The following PROB1 variants were observed in gnomAD, a reference collection of about 807,000 sequenced individuals.
PROB1 encodes proline-rich basic protein 1.
For missense variants in PROB1, 1,453 were observed against 1,485.7 expected (o/e 0.98, Z 0.36); for synonymous variants, 660 against 699.3 (o/e 0.94, Z 0.89).
Position 139,394,108 on chromosome 5 carries a change from C to A in PROB1, c.974G>T (p.Arg325Leu). The A allele has an allele frequency of 6.5e-7, 1 of 1,548,336 alleles. No individual in the cohort carries two copies. The highest frequency in any genetic ancestry group is 8.7e-7 in the Non-Finnish European group (1 of 1,145,644). The change falls in exon 1 of 1, where the codon CGC (arginine) becomes CTC (leucine). Residue 325 changes from arginine to leucine, a missense_variant. Arg to Leu is a moderately radical substitution (Grantham distance 102). Transcript: ENST00000434752. ...CTCCGTCCCGGGCGCAGGCTTGTCG[C>A]GCCGAATCGCGCGCTCGCGGAGGCT... ...WPSLRERAIR[R>L]DKPAPGTEPL...
In PROB1 at chr5:139,393,117, G is replaced by C. The variant is rs1028168592; in HGVS notation, c.1965C>G (p.Pro655=). 3 of 1,528,384 alleles carry C rather than the reference G, an allele frequency of 2.0e-6. No individual in the cohort carries two copies. The highest frequency in any genetic ancestry group is 2.1e-5 in the Admixed American group (1 of 48,004). 94.7% of individuals were successfully genotyped at this position (1,528,384 alleles called of 1,614,324 possible). A position where few individuals can be genotyped will look rare whatever the true frequency, so the allele number is the denominator to read the frequency against. ...TGGATTCGCCGCCCTCCTCCCCGCA[G>C]GGGTCGGCAGGAGGCGCAGGCAGCC... ...GSGLPAPPAD[P]CGEEGGESKT... The change falls in exon 1 of 1, where the codon CCC becomes CCG. Residue 655 remains proline, a synonymous_variant. Coordinates refer to ENST00000434752, the MANE Select transcript of PROB1 (RefSeq NM_001161546.2).
In PROB1 at chr5:139,392,626, T is replaced by C; in HGVS notation, c.2456A>G (p.Lys819Arg). 1 of 1,380,240 alleles carries C rather than the reference T, an allele frequency of 7.2e-7. No homozygotes were observed. Among genetic ancestry groups the C allele is most frequent in the Non-Finnish European group, 9.4e-7 (1 of 1,069,392 alleles). 85.5% of individuals were successfully genotyped at this position (1,380,240 alleles called of 1,614,324 possible). A position where few individuals can be genotyped will look rare whatever the true frequency, so the allele number is the denominator to read the frequency against. Residue 819 changes from lysine to arginine, a missense_variant, in exon 1 of 1, where the codon AAG becomes AGG. By Grantham distance (26) the Lys-to-Arg change is conservative. Transcript: ENST00000434752. The surrounding 1 kb of genome is among the most constrained non-coding windows in gnomAD (Gnocchi z 5.8). ...SPSPGIAPKP[K>R]TPPTAPEPAA... The stretch of plus-strand genomic sequence containing the variant: ...GGGCTCGGGGGCCGTAGGTGGTGTC[T>C]TCGGTTTGGGTGCTATCCCAGGGCT...
Position 139,394,169 on chromosome 5 carries a change from T to G in PROB1, c.913A>C (p.Asn305His). 6.5e-7 allele frequency: 1 copy of G among 1,546,092 alleles called. No homozygotes were observed. Among genetic ancestry groups the G allele is most frequent in the Non-Finnish European group, 8.7e-7 (1 of 1,144,102 alleles). The change falls in exon 1 of 1, where the codon AAT (asparagine) becomes CAT (histidine). Residue 305 changes from asparagine to histidine, a missense_variant. Asn to His is a moderately conservative substitution (Grantham distance 68, BLOSUM62 1). Coordinates refer to ENST00000434752, the MANE Select transcript of PROB1 (RefSeq NM_001161546.2). ...CTCGGGGCCTTGGCGGGGGCCGAAT[T>G]ATCTCGTACGCGAAGTGGCCGAGAC... ...AKSRPLRVRD[N>H]SAPAKAPRPW... is the part of the protein sequence containing the mutation.
rs1263841431 is a variant in PROB1 at position 139,393,421 on chromosome 5, G to A, written c.1661C>T (p.Pro554Leu). 6.4e-7 allele frequency: 1 copy of A among 1,551,678 alleles called. No homozygotes were observed. Among genetic ancestry groups the A allele is most frequent in the Non-Finnish European group, 8.7e-7 (1 of 1,146,998 alleles). Residue 554 changes from proline to leucine, a missense_variant, in exon 1 of 1, where the codon CCC becomes CTC. Transcript: ENST00000434752. ...EELAPPTPSA[P>L]GTPEPTEMQS... ...CATCTCTGTTGGTTCTGGAGTGCCG[G>A]GTGCGGACGGTGTAGGCGGTGCCAA... is the stretch of plus-strand genomic sequence containing the variant.
chr5:139,392,745 T>C lies in PROB1; in HGVS notation c.2337A>G (p.Leu779=). ...GCTGGGATGAGCTGCGGGCGCCGCC[T>C]AGAGGGCTGGTCCGACCGTCGCCGT... ...VPDGDGRTSP[L]GGARSSSQRS... The change falls in exon 1 of 1, where the codon CTA becomes CTG. Residue 779 remains leucine (L), a synonymous_variant. Coordinates refer to ENST00000434752, the MANE Select transcript of PROB1 (RefSeq NM_001161546.2). This position sits in a 1 kb window ranked among gnomAD's most constrained non-coding sequence, Gnocchi z 5.8. 2 of 1,423,236 alleles carry C rather than the reference T, an allele frequency of 1.4e-6. No homozygotes were observed. The highest frequency in any genetic ancestry group is 1.8e-6 in the Non-Finnish European group (2 of 1,087,602). The allele number at this position is 1,423,236 out of a possible 1,614,324, so 88.2% of individuals were successfully genotyped here.
At position 139,392,060 on chromosome 5, in the gene PROB1, C is replaced by A; in HGVS notation, c.3022G>T (p.Gly1008Cys). ...CACAGCGGGAACAATGAACCCTTGC[C>A]GGGCTGGGTGGGACCTGAGCTGGAG... ...PPSSSGPTQP[G>C]KGSLFPL is the part of the protein sequence containing the mutation. Residue 1008 changes from glycine to cysteine, a missense_variant, in exon 1 of 1, where the codon GGC (glycine) becomes TGC (cysteine). Transcript: ENST00000434752. This position sits in a 1 kb window ranked among gnomAD's most constrained non-coding sequence, Gnocchi z 5.8. 7.1e-7 allele frequency: 1 copy of A among 1,402,432 alleles called. No individual in the cohort carries two copies. Among genetic ancestry groups the A allele is most frequent in the Non-Finnish European group, 9.3e-7 (1 of 1,075,764 alleles). 86.9% of individuals were successfully genotyped at this position (1,402,432 alleles called of 1,614,324 possible).
At position 139,390,899 on chromosome 5, in the gene PROB1, G is replaced by C. The variant is rs747446780; in HGVS notation, c.*1135C>G. ...TCACATCACACACCAGGCTGGCAAG[G>C]GCCAGCCATTTCCGGTTCAGAACTA... On this transcript the variant is annotated 3_prime_UTR_variant, in exon 1 of 1. Transcript: ENST00000434752. 6.6e-6 allele frequency: 1 copy of C among 152,204 alleles called. No individual in the cohort carries two copies. Among genetic ancestry groups the C allele is most frequent in the Non-Finnish European group, 1.5e-5 (1 of 68,104 alleles). The allele number at this position is 152,204 out of a possible 1,614,324, so 9.4% of individuals were successfully genotyped here.
chr5:139,394,999 G>T lies in PROB1; in HGVS notation c.83C>A (p.Ser28Tyr), dbSNP rs1317406231. 3 of 1,491,800 alleles carry T rather than the reference G, an allele frequency of 2.0e-6. No homozygotes were observed. The highest frequency in any genetic ancestry group is 2.0e-4 in the Middle Eastern group (1 of 4,900). The allele number at this position is 1,491,800 out of a possible 1,614,324, so 92.4% of individuals were successfully genotyped here. The change falls in exon 1 of 1, where the codon TCC (serine) becomes TAC (tyrosine). Residue 28 changes from serine (S) to tyrosine (Y), a missense_variant. Coordinates refer to ENST00000434752, the MANE Select transcript of PROB1 (RefSeq NM_001161546.2). Reference protein sequence around the residue: ...PTAPARRQDSSGSSGSYYTAP... With the variant: ...PTAPARRQDSYGSSGSYYTAP... ...CGTGTAGTAGGAGCCTGACGAACCG[G>T]AGGAGTCCTGGCGCCGCGCGGGGGC...
At position 139,394,646 on chromosome 5, in the gene PROB1, G is replaced by A; in HGVS notation, c.436C>T (p.Pro146Ser). 2 of 1,534,802 alleles carry A rather than the reference G, an allele frequency of 1.3e-6. No homozygotes were observed. The highest frequency in any genetic ancestry group is 1.7e-6 in the Non-Finnish European group (2 of 1,145,578). Reference protein sequence around the residue: ...TEPAFISPLPPGPASPAAVPR... With the variant: ...TEPAFISPLPSGPASPAAVPR... ...ACCGCGGCGGGAGACGCTGGCCCCG[G>A]CGGCAAGGGGCTGATGAAGGCCGGC... The change falls in exon 1 of 1, where the codon CCG becomes TCG. Residue 146 changes from proline to serine, a missense_variant. Coordinates refer to ENST00000434752, the MANE Select transcript of PROB1 (RefSeq NM_001161546.2).
rs1426996238 is a variant in PROB1 at position 139,392,663 on chromosome 5, G to C, written c.2419C>G (p.Gln807Glu). 2 of 1,395,134 alleles carry C rather than the reference G, an allele frequency of 1.4e-6. No homozygotes were observed. The highest frequency in any genetic ancestry group is 3.1e-5 in the African/African-American group (2 of 65,352). The allele number at this position is 1,395,134 out of a possible 1,614,324, so 86.4% of individuals were successfully genotyped here. The change falls in exon 1 of 1, where the codon CAA (glutamine) becomes GAA (glutamate). Residue 807 changes from glutamine to glutamate, a missense_variant. Gln to Glu is a conservative substitution (Grantham distance 29). Transcript: ENST00000434752. The surrounding 1 kb of genome is among the most constrained non-coding windows in gnomAD (Gnocchi z 5.8). ...RSPRPGSPQMQASPSPGIAPK... is the reference protein window; with the variant it reads ...RSPRPGSPQMEASPSPGIAPK... ...GCTATCCCAGGGCTCGGGCTGGCTT[G>C]CATCTGAGGGGAGCCGGGGCGGGGC...
In PROB1 at chr5:139,394,219, G is replaced by A. The variant is rs1315148978; in HGVS notation, c.863C>T (p.Thr288Ile). 8 of 1,548,760 alleles carry A rather than the reference G, an allele frequency of 5.2e-6. No individual in the cohort carries two copies. Among genetic ancestry groups the A allele is most frequent in the East Asian group, 4.9e-5 (2 of 40,842 alleles). Residue 288 changes from threonine to isoleucine, a missense_variant, in exon 1 of 1, where the codon ACC becomes ATC. Thr to Ile is a moderately conservative substitution (Grantham distance 89). Transcript: ENST00000434752. The stretch of plus-strand genomic sequence containing the variant: ...CTTAGCCTTCTCCAGGACCACGTGG[G>A]TGCTGCGGGCCGTTTCCCGGGTCTC... ...EPETRETARS[T>I]HVVLEKAKSR...
rs1430903522 is a variant in PROB1, at chr5:139,391,393, C to A, written c.*641G>T. ...TCCAGGCTAACCCCCAACCCAGGCC[C>A]TCCCTGTATTCCTTGCTTTGCCTCC... On this transcript the variant is annotated 3_prime_UTR_variant, in exon 1 of 1. Transcript: ENST00000434752. The surrounding 1 kb of genome is among the most constrained non-coding windows in gnomAD (Gnocchi z 4.8). 6.5e-6 allele frequency: 1 copy of A among 152,832 alleles called. No homozygotes were observed. Among genetic ancestry groups the A allele is most frequent in the Non-Finnish European group, 1.5e-5 (1 of 68,526 alleles). 9.5% of individuals were successfully genotyped at this position (152,832 alleles called of 1,614,324 possible).
chr5:139,391,914 G>A lies in PROB1; in HGVS notation c.*120C>T. 2.5e-6 allele frequency: 2 copies of A among 815,972 alleles called. No individual in the cohort carries two copies. Among genetic ancestry groups the A allele is most frequent in the Non-Finnish European group, 3.3e-6 (2 of 601,424 alleles). The allele number at this position is 815,972 out of a possible 1,614,324, so 50.5% of individuals were successfully genotyped here. A position where few individuals can be genotyped will look rare whatever the true frequency, so the allele number is the denominator to read the frequency against. ...ATTCTCTGAAGATCACTTCCTGTCC[G>A]ACGACTGACTGGGATGGGTTAAAGA... On this transcript the variant is annotated 3_prime_UTR_variant, in exon 1 of 1. Coordinates refer to ENST00000434752, the MANE Select transcript of PROB1 (RefSeq NM_001161546.2). This position sits in a 1 kb window ranked among gnomAD's most constrained non-coding sequence, Gnocchi z 4.8.
rs938208803 is a variant in PROB1 at position 139,394,733 on chromosome 5, C to G, written c.349G>C (p.Val117Leu). The change falls in exon 1 of 1, where the codon GTC (valine) becomes CTC (leucine). Residue 117 changes from valine (V) to leucine (L), a missense_variant. Physicochemically the swap from Val to Leu is conservative, Grantham distance 32 (BLOSUM62 1). Coordinates refer to ENST00000434752, the MANE Select transcript of PROB1 (RefSeq NM_001161546.2). ...CCGGAGCAGCCGAACAGGGGTCCGACGCCGAAGATGACTTCCATCTCCCCC... is the reference window on the plus strand; with the variant it reads ...CCGGAGCAGCCGAACAGGGGTCCGAGGCCGAAGATGACTTCCATCTCCCCC... ...PSGEMEVIFG[V>L]GPLFGCSGAD... 1.3e-6 allele frequency: 2 copies of G among 1,532,696 alleles called. No homozygotes were observed. The highest frequency in any genetic ancestry group is 1.7e-6 in the Non-Finnish European group (2 of 1,143,718). The allele number at this position is 1,532,696 out of a possible 1,614,324, so 94.9% of individuals were successfully genotyped here.
Position 139,392,972 on chromosome 5 carries a change from T to C in PROB1, c.2110A>G (p.Thr704Ala). The C allele has an allele frequency of 6.6e-7, 1 of 1,504,600 alleles. No homozygotes were observed. Among genetic ancestry groups the C allele is most frequent in the Non-Finnish European group, 8.9e-7 (1 of 1,123,162 alleles). 93.2% of individuals were successfully genotyped at this position (1,504,600 alleles called of 1,614,324 possible). A position where few individuals can be genotyped will look rare whatever the true frequency, so the allele number is the denominator to read the frequency against. Residue 704 changes from threonine (T) to alanine (A), a missense_variant, in exon 1 of 1, where the codon ACG (threonine) becomes GCG (alanine). Coordinates refer to ENST00000434752, the MANE Select transcript of PROB1 (RefSeq NM_001161546.2). The surrounding 1 kb of genome is among the most constrained non-coding windows in gnomAD (Gnocchi z 5.8). ...GGCTGTGAGGCGTCCCGGGCGACCG[T>C]GTCGAAGGACGGTTCAGGAGGCTCG... is the stretch of plus-strand genomic sequence containing the variant. Reference protein sequence around the residue: ...PYEPPEPSFDTVARDASQPNG... With the variant: ...PYEPPEPSFDAVARDASQPNG...
At position 139,391,876 on chromosome 5, in the gene PROB1, G is replaced by A. The variant is rs1039122444; in HGVS notation, c.*158C>T. 3.3e-6 allele frequency: 2 copies of A among 597,278 alleles called. No individual in the cohort carries two copies. Among genetic ancestry groups the A allele is most frequent in the Non-Finnish European group, 5.0e-6 (2 of 402,776 alleles). 37.0% of individuals were successfully genotyped at this position (597,278 alleles called of 1,614,324 possible). ...GGGTGACTCCAGCTCCACCAGCCTC[G>A]GGGCTCAGATTCATTCTCTGAAGAT... On this transcript the variant is annotated 3_prime_UTR_variant, in exon 1 of 1. Coordinates refer to ENST00000434752, the MANE Select transcript of PROB1 (RefSeq NM_001161546.2). The surrounding 1 kb of genome is among the most constrained non-coding windows in gnomAD (Gnocchi z 4.8).
In PROB1 at chr5:139,391,864, T is replaced by A; in HGVS notation, c.*170A>T. On this transcript the variant is annotated 3_prime_UTR_variant, in exon 1 of 1. Coordinates refer to ENST00000434752, the MANE Select transcript of PROB1 (RefSeq NM_001161546.2). This position sits in a 1 kb window ranked among gnomAD's most constrained non-coding sequence, Gnocchi z 4.8. ...CAGCCACTTCCTGGGTGACTCCAGC[T>A]CCACCAGCCTCGGGGCTCAGATTCA... 1 of 533,352 alleles carries A rather than the reference T, an allele frequency of 1.9e-6. No homozygotes were observed. Among genetic ancestry groups the A allele is most frequent in the Non-Finnish European group, 2.9e-6 (1 of 344,380 alleles). The allele number at this position is 533,352 out of a possible 1,614,324, so 33.0% of individuals were successfully genotyped here.
rs1342598367 is a variant in PROB1 at position 139,394,715 on chromosome 5, A to T, written c.367T>A (p.Cys123Ser). Residue 123 changes from cysteine to serine, a missense_variant, in exon 1 of 1, where the codon TGC becomes AGC. Physicochemically the swap from Cys to Ser is moderately radical, Grantham distance 112 (BLOSUM62 -1). Coordinates refer to ENST00000434752, the MANE Select transcript of PROB1 (RefSeq NM_001161546.2). ...GCCTCGCGATCGTCTGCGCCGGAGC[A>T]GCCGAACAGGGGTCCGACGCCGAAG... ...VIFGVGPLFG[C>S]SGADDREAQQ... 29 of 1,532,626 alleles carry T rather than the reference A, an allele frequency of 1.9e-5. No homozygotes were observed. The highest frequency in any genetic ancestry group is 2.4e-5 in the Non-Finnish European group (28 of 1,144,342). The allele number at this position is 1,532,626 out of a possible 1,614,324, so 94.9% of individuals were successfully genotyped here.
rs1221624251 is a variant in PROB1 at position 139,394,595 on chromosome 5, C to T, written c.487G>A (p.Gly163Ser). Residue 163 changes from glycine to serine, a missense_variant, in exon 1 of 1, where the codon GGT becomes AGT. Transcript: ENST00000434752. ...AGGTAGGTGGCCCAGCGGGAGCCAC[C>T]ATCGGGGACCTGGGACTGGCGTGGG... is the stretch of plus-strand genomic sequence containing the variant. ...AVPRQSQVPD[G>S]GSRWATYLEL... 28 of 1,531,180 alleles carry T rather than the reference C, an allele frequency of 1.8e-5. No individual in the cohort carries two copies. Among genetic ancestry groups the T allele is most frequent in the Non-Finnish European group, 2.4e-5 (27 of 1,144,208 alleles). 94.8% of individuals were successfully genotyped at this position (1,531,180 alleles called of 1,614,324 possible). A position where few individuals can be genotyped will look rare whatever the true frequency, so the allele number is the denominator to read the frequency against.
Sources: gnomAD v4.1 joint callset for allele counts on GRCh38, gnomAD v4.1.1 for gene constraint, Gnocchi (gnomAD v3.1) non-coding constraint, MANE v1.5 for transcripts, NCBI Gene and HGNC (gene_info 2026-07-23, HGNC 2026-07-21) for gene names.